SLC8A1: variants seen among roughly 807,000 people sequenced by gnomAD.
SLC8A1 encodes sodium/calcium exchanger 1.
In SLC8A1, 18 loss-of-function variants were observed where a neutral mutation model predicts 68.3. The ratio of observed to expected loss-of-function variants is 0.26; its 90% confidence interval spans 0.18 to 0.39. The LOEUF (loss-of-function observed/expected upper bound fraction) is 0.39, where lower values mean the gene tolerates loss of function less well. SLC8A1 is among the 10% of genes least tolerant of loss of function. The pLI, the probability that SLC8A1 is intolerant of heterozygous loss-of-function variation, is 1.00. For synonymous variants in SLC8A1, 475 were observed against 415.5 expected (o/e 1.14, Z -1.74); for missense variants, 985 against 1,156.7 (o/e 0.85, Z 2.15).
intron 2 of SLC8A1, among the ~76,000 whole-genome samples, chr2:40,205,259 T>TAACTTAA (rs1340314845): frequency 1.4e-5 from 2 of 147,212 alleles, no homozygotes; most frequent in Non-Finnish European, 2.9e-5. Flanking sequence ...AATTTAAAAA[T>TAACTTAA]AAATAAAAAC....
intron 2 of SLC8A1, among the ~76,000 whole-genome samples, chr2:40,302,662 CTA>C (rs1275110320): frequency 2.0e-5 from 3 of 151,674 alleles, no homozygotes; most frequent in African/African-American, 4.8e-5. Context: ...TGGGCTGATT[CTA>C]TGTTTTTGCA....
At chr2:40,373,121 A>AT (rs1678692079) in intron 2 of SLC8A1, among the ~76,000 whole-genome samples, 4 of 151,866 alleles carry the variant, frequency 2.6e-5, no homozygotes, top group Admixed American at 2.6e-4. Flanking sequence ...CAAAATTAGT[A>AT]TTTTTTGCCT....
At chr2:40,203,596 A>C (rs1337272181) in intron 2 of SLC8A1, among the ~76,000 whole-genome samples, 3 of 152,046 alleles carry the variant, frequency 2.0e-5, no homozygotes, top group Non-Finnish European at 4.4e-5. Context: ...AAAATATATA[A>C]TTCTGACATA....
upstream of SLC8A1, chr2:40,452,120 C>G (rs1278201328): frequency 7.0e-6 from 1 of 143,202 alleles, no homozygotes; most frequent in Admixed American, 6.9e-5. Context: ...GGGCGGGAGG[C>G]AGGCGCGGAG....
intron 1 of SLC8A1, among the ~76,000 whole-genome samples, chr2:40,497,958 A>G (rs1250178009): frequency 2.0e-5 from 3 of 152,052 alleles, no homozygotes; most frequent in Non-Finnish European, 4.4e-5. Context: ...TATTGCAATA[A>G]CTTATGTAAT....
intron 1 of SLC8A1, among the ~76,000 whole-genome samples, chr2:40,507,541 A>C (rs1483790194): frequency 6.6e-6 from 1 of 152,038 alleles, no homozygotes; most frequent in African/African-American, 2.4e-5. Context: ...ACACTACTGA[A>C]TATCTTTCAC....
chr2:40,443,009 A>T (rs949580495), intron 1 of SLC8A1, among the ~76,000 whole-genome samples: 1 of 147,794 alleles, frequency 6.8e-6, no homozygotes, highest in Non-Finnish European at 1.5e-5. Context: ...TAGGAACAGA[A>T]AACCAAACAC....
At chr2:40,348,305 T>C (rs1669981498) in intron 2 of SLC8A1, among the ~76,000 whole-genome samples, 1 of 152,170 alleles carries the variant, frequency 6.6e-6, no homozygotes, top group African/African-American at 2.4e-5. Flanking sequence ...CTTAGCTAAC[T>C]GCATAGGCTC....
chr2:40,250,136 G>T (rs149416753), intron 2 of SLC8A1, among the ~76,000 whole-genome samples: 3 of 152,086 alleles, frequency 2.0e-5, no homozygotes, highest in African/African-American at 4.8e-5. Flanking sequence ...TAAATAAAAC[G>T]TGTTAGCAGA....
intron 2 of SLC8A1, among the ~76,000 whole-genome samples, chr2:40,322,980 A>T (rs1056079127): frequency 6.6e-6 from 1 of 152,090 alleles, no homozygotes; most frequent in Admixed American, 6.6e-5. Context: ...GGCATATTCC[A>T]TTTCATTTTT....
chr2:40,239,749 G>A (rs1040168436), intron 2 of SLC8A1, among the ~76,000 whole-genome samples: 3 of 152,192 alleles, frequency 2.0e-5, no homozygotes, highest in African/African-American at 7.2e-5. Flanking sequence ...AATTCTGAAT[G>A]TGAATACCTG....
intron 2 of SLC8A1, among the ~76,000 whole-genome samples, chr2:40,378,457 G>A (rs1263919431): frequency 2.6e-5 from 4 of 152,110 alleles, no homozygotes; most frequent in South Asian, 2.1e-4. Context: ...AGTATGTGAT[G>A]GGGAGAATGG....
intron 2 of SLC8A1, among the ~76,000 whole-genome samples, chr2:40,424,184 A>AC (rs1052709434): frequency 2.0e-5 from 3 of 151,686 alleles, no homozygotes; most frequent in Non-Finnish European, 4.4e-5. Context: ...TTTTTCTAAT[A>AC]TTTTTCATCA....
At chr2:40,431,754 G>A (rs1698358117) in intron 1 of SLC8A1, among the ~76,000 whole-genome samples, 1 of 152,020 alleles carries the variant, frequency 6.6e-6, no homozygotes, top group African/African-American at 2.4e-5. Context: ...ATAGCTTCGG[G>A]CTGGCTGAGA....
intron 2 of SLC8A1, among the ~76,000 whole-genome samples, chr2:40,344,100 A>C (rs916839782): frequency 1.3e-5 from 2 of 152,174 alleles, no homozygotes; most frequent in African/African-American, 2.4e-5. Context: ...GCTTCCAGGG[A>C]AAATAAGTGA....
intron 7 of SLC8A1, among the ~76,000 whole-genome samples, chr2:40,119,334 T>TA (rs10713257): frequency 2.8e-4 from 42 of 148,454 alleles, no homozygotes; most frequent in African/African-American, 6.7e-4. Flanking sequence ...AAAAGCAATG[T>TA]AAAAAAAAAA....
rs186324881 is a variant in SLC8A1 at position 40,110,767 on chromosome 2, A to C, written c.*4486T>G. ...AAGTCAGAATCAACAGAGAGACTCC[A>C]TATCCCCAGCCCAAAAATATTAAAA... On this transcript the variant is annotated 3_prime_UTR_variant, in exon 8 of 8. Transcript: ENST00000406785. 8 of 152,294 alleles carry C rather than the reference A, an allele frequency of 5.3e-5. No homozygotes were observed. In the East Asian group the frequency reaches 1.5e-3, roughly 29 times the overall value. The allele number at this position is 152,294 out of a possible 1,614,324, so 9.4% of individuals were successfully genotyped here.
At chr2:40,226,768 A>C (rs2059033335) in intron 2 of SLC8A1, among the ~76,000 whole-genome samples, 1 of 152,230 alleles carries the variant, frequency 6.6e-6, no homozygotes, top group South Asian at 2.1e-4. Flanking sequence ...TGAATGATCT[A>C]AAAGATTACT....
chr2:40,414,720 GATTA>G (rs1254895961), intron 2 of SLC8A1, among the ~76,000 whole-genome samples: 1 of 151,844 alleles, frequency 6.6e-6, no homozygotes, highest in East Asian at 1.9e-4. Context: ...CAATAAATAT[GATTA>G]ATTTGCCATA....
Sources: gnomAD v4.1 joint callset for allele counts (sites outside exome capture counted in the v4.1 genomes callset) on GRCh38, gnomAD v4.1.1 for gene constraint, MANE v1.5 for transcripts, NCBI Gene and HGNC (gene_info 2026-07-23, HGNC 2026-07-21) for gene names.